EDNRB: variants seen among roughly 807,000 people sequenced by gnomAD.
The protein encoded by EDNRB is endothelin receptor type B.
EDNRB carries 18 observed loss-of-function variants against 46.4 expected under a neutral mutation model. The observed-to-expected ratio is 0.39, with a 90% CI of 0.27 to 0.57. EDNRB has a LOEUF of 0.57. EDNRB is among the 20% of genes least tolerant of loss of function. The pLI is 0.61. For missense variants in EDNRB, 434 were observed against 537.5 expected, an observed-to-expected ratio of 0.81 and a Z score of 1.90; for synonymous variants, 213 against 204.9, an observed-to-expected ratio of 1.04 and a Z score of -0.34.
intron 1 of EDNRB, among the ~76,000 whole-genome samples, chr13:77,969,118 T>G (rs929213539): frequency 1.3e-5 from 2 of 152,218 alleles, no homozygotes; most frequent in Non-Finnish European, 2.9e-5. Context: ...GAGTTCCTAT[T>G]AGTTATATAG....
intron 1 of EDNRB, among the ~76,000 whole-genome samples, chr13:77,955,221 G>T (rs1881201307): frequency 1.3e-5 from 2 of 152,124 alleles, no homozygotes; most frequent in Non-Finnish European, 1.5e-5. Context: ...TTTCCCTAAT[G>T]ATTAGTGAGG....
intron 1 of EDNRB, among the ~76,000 whole-genome samples, chr13:77,911,489 A>C (rs745812684): frequency 9.2e-5 from 14 of 152,072 alleles, no homozygotes; most frequent in Non-Finnish European, 1.3e-4. Flanking sequence ...TCCTTTCTGG[A>C]AACTACAATG....
At chr13:77,951,900 A>G (rs548649272) in intron 1 of EDNRB, among the ~76,000 whole-genome samples, 8 of 152,268 alleles carry the variant, frequency 5.3e-5, no homozygotes, top group Non-Finnish European at 1.2e-4. Flanking sequence ...TCGTCCAATC[A>G]GTGCTGCAGT....
At chr13:77,926,923 T>A (rs757484911) in intron 1 of EDNRB, among the ~76,000 whole-genome samples, 2 of 152,150 alleles carry the variant, frequency 1.3e-5, no homozygotes, top group Non-Finnish European at 2.9e-5. Flanking sequence ...AAATGAGGAA[T>A]ATGCAAAAGC....
At chr13:77,928,600 T>A (rs9574123) in intron 1 of EDNRB, among the ~76,000 whole-genome samples, 84,605 of 152,004 alleles carry the variant, frequency 0.56, 24,314 homozygotes, top group Middle Eastern at 0.67. Context: ...CATTTAAGTT[T>A]TTTAATCTAA....
At chr13:77,946,066 T>C (rs915210492) in intron 1 of EDNRB, among the ~76,000 whole-genome samples, 1 of 152,130 alleles carries the variant, frequency 6.6e-6, no homozygotes, top group Non-Finnish European at 1.5e-5. Flanking sequence ...GTCTGAGGCA[T>C]GAATAATTAC....
At chr13:77,971,224 G>A (rs1440496468) in intron 1 of EDNRB, among the ~76,000 whole-genome samples, 3 of 152,224 alleles carry the variant, frequency 2.0e-5, no homozygotes, top group Non-Finnish European at 4.4e-5. Context: ...CAATGGTGAT[G>A]TTGGGATTTT....
intron 1 of EDNRB, among the ~76,000 whole-genome samples, chr13:77,961,596 CA>C (rs1881414882): frequency 6.6e-6 from 1 of 152,118 alleles, no homozygotes; most frequent in African/African-American, 2.4e-5. Flanking sequence ...AACAAAGACA[CA>C]ACATACCAGA....
chr13:77,899,098 T>A (rs1403328554), intron 6 of EDNRB, among the ~76,000 whole-genome samples: 1 of 151,930 alleles, frequency 6.6e-6, no homozygotes, highest in Non-Finnish European at 1.5e-5. Flanking sequence ...TTATGTCTTA[T>A]AAAATGAGGG....
chr13:77,966,792 AGACT>A (rs1881595613), intron 1 of EDNRB, among the ~76,000 whole-genome samples: 1 of 152,158 alleles, frequency 6.6e-6, no homozygotes, highest in Admixed American at 6.6e-5. Flanking sequence ...ATTTCTTCTG[AGACT>A]GACTATGTGA....
chr13:77,940,348 A>C (rs1880707976), intron 1 of EDNRB, among the ~76,000 whole-genome samples: 1 of 152,026 alleles, frequency 6.6e-6, no homozygotes, highest in Admixed American at 6.6e-5. Context: ...TTCATAGAGA[A>C]GGTGATAATG....
At chr13:77,962,001 C>A (rs1187515411) in intron 1 of EDNRB, among the ~76,000 whole-genome samples, 2 of 152,114 alleles carry the variant, frequency 1.3e-5, no homozygotes, top group African/African-American at 4.8e-5. Flanking sequence ...ACTATAAACA[C>A]CTCTACGCAA....
chr13:77,974,666 C>T (rs1344365371), intron 1 of EDNRB, among the ~76,000 whole-genome samples: 1 of 152,002 alleles, frequency 6.6e-6, no homozygotes, highest in Non-Finnish European at 1.5e-5. Context: ...CTGCAATTCT[C>T]TCAACCACTG....
chr13:77,935,977 T>C (rs1880550209), intron 1 of EDNRB, among the ~76,000 whole-genome samples: 2 of 152,060 alleles, frequency 1.3e-5, no homozygotes, highest in South Asian at 4.2e-4. Flanking sequence ...AATGGGGGAA[T>C]TGTAAGGAGA....
chr13:77,920,462 C>T (rs1264561804), upstream of EDNRB, among the ~76,000 whole-genome samples: 1 of 152,140 alleles, frequency 6.6e-6, no homozygotes, highest in South Asian at 2.1e-4. Flanking sequence ...CCAGAAGCAC[C>T]CATTCCATGT....
At chr13:77,929,367 A>G (rs1016427363) in intron 1 of EDNRB, among the ~76,000 whole-genome samples, 4 of 152,218 alleles carry the variant, frequency 2.6e-5, no homozygotes, top group Non-Finnish European at 1.5e-5. Flanking sequence ...ATCTATACAT[A>G]TGTGAGAATA....
intron 1 of EDNRB, among the ~76,000 whole-genome samples, chr13:77,960,088 AAAGGAACC>A (rs1291597783): frequency 6.6e-6 from 1 of 152,226 alleles, no homozygotes; most frequent in African/African-American, 2.4e-5. Context: ...TGATGGGGAG[AAAGGAACC>A]AAGTTGGAAA....
chr13:77,972,636 T>C (rs1026842307), intron 1 of EDNRB, among the ~76,000 whole-genome samples: 7 of 152,170 alleles, frequency 4.6e-5, no homozygotes, highest in African/African-American at 1.7e-4. Context: ...TAGAAGTACT[T>C]TTCTGAAGTA....
chr13:77,940,483 T>G (rs1233610326), intron 1 of EDNRB, among the ~76,000 whole-genome samples: 4 of 152,178 alleles, frequency 2.6e-5, no homozygotes, highest in Admixed American at 6.5e-5. Flanking sequence ...CCTGGGAAAT[T>G]TAATCTCAGA....
Sources: allele counts gnomAD v4.1 joint callset (sites outside exome capture counted in the v4.1 genomes callset), GRCh38; gene constraint gnomAD v4.1.1; transcripts MANE v1.5; gene names NCBI Gene and HGNC (gene_info 2026-07-23, HGNC 2026-07-21).